Variants in GOPC observed in about 807,000 individuals in gnomAD.
GOPC encodes Golgi-associated PDZ and coiled-coil motif-containing protein.
In GOPC, 32 loss-of-function variants were observed where a neutral mutation model predicts 51.2. The observed-to-expected ratio is 0.63, with a 90% CI of 0.47 to 0.84. GOPC has a LOEUF of 0.84. Among genes scored for constraint, GOPC ranks in the 40% least tolerant of loss-of-function variants. The probability of loss-of-function intolerance (pLI) is 0.00; values close to 1 mark genes in which losing one functional copy is unlikely to be tolerated. For synonymous variants in GOPC, 190 were observed against 205.1 expected, an observed-to-expected ratio of 0.93 and a Z score of 0.63; for missense variants, 441 against 555.5, an observed-to-expected ratio of 0.79 and a Z score of 2.07.
At chr6:117,594,728 TAA>T (rs768397089) in intron 1 of GOPC, among the ~76,000 whole-genome samples, 2 of 152,170 alleles carry the variant, frequency 1.3e-5, no homozygotes, top group African/African-American at 2.4e-5. Flanking sequence ...AGATCAAAGT[TAA>T]AAGTTTCTCT....
chr6:117,599,539 A>G (rs1250387304), intron 1 of GOPC, among the ~76,000 whole-genome samples: 1 of 152,250 alleles, frequency 6.6e-6, no homozygotes, highest in Non-Finnish European at 1.5e-5. Context: ...TTAACATCAA[A>G]GACAAACAAG....
At chr6:117,575,735 C>G (rs1283533159) in intron 3 of GOPC, among the ~76,000 whole-genome samples, 1 of 152,130 alleles carries the variant, frequency 6.6e-6, no homozygotes, top group Non-Finnish European at 1.5e-5. Flanking sequence ...AAAAAAACCA[C>G]GTAAACACTG....
chr6:117,565,263 G>A (rs1779672841), intron 8 of GOPC, among the ~76,000 whole-genome samples: 1 of 152,060 alleles, frequency 6.6e-6, no homozygotes, highest in Non-Finnish European at 1.5e-5. Flanking sequence ...TCATATATCT[G>A]CTTCCATTCA....
intron 7 of GOPC, among the ~76,000 whole-genome samples, chr6:117,567,996 G>C (rs1303743767): frequency 2.9e-5 from 4 of 137,576 alleles, no homozygotes; most frequent in Non-Finnish European, 3.0e-5. Flanking sequence ...TTCTAGACCA[G>C]CCTGGGCAAC....
intron 5 of GOPC, among the ~76,000 whole-genome samples, chr6:117,572,910 A>G (rs1484087066): frequency 3.3e-5 from 5 of 152,252 alleles, no homozygotes; most frequent in Non-Finnish European, 7.3e-5. Flanking sequence ...ATTAAGGTCT[A>G]TATTATCAAG....
At chr6:117,576,775 A>AT (rs1359258089) in intron 3 of GOPC, among the ~76,000 whole-genome samples, 3 of 151,960 alleles carry the variant, frequency 2.0e-5, no homozygotes, top group African/African-American at 7.2e-5. Flanking sequence ...CCAGAAAAAA[A>AT]TTTTCTTGGT....
At chr6:117,572,940 C>G (rs2114610393) in intron 5 of GOPC, among the ~76,000 whole-genome samples, 1 of 152,294 alleles carries the variant, frequency 6.6e-6, no homozygotes, top group South Asian at 2.1e-4. Flanking sequence ...TGATAAAATT[C>G]AATAAAGATT....
chr6:117,582,273 TACACACACACAC>T (rs71012364), intron 1 of GOPC, among the ~76,000 whole-genome samples: 26 of 119,214 alleles, frequency 2.2e-4, no homozygotes, highest in Admixed American at 1.6e-3. Context: ...CCTCCCCCCC[TACACACACACAC>T]ACACACACAC....
chr6:117,579,864 A>G (rs1002161795), intron 1 of GOPC, among the ~76,000 whole-genome samples: 2 of 152,112 alleles, frequency 1.3e-5, no homozygotes, highest in African/African-American at 4.8e-5. Context: ...TGTAGATAAT[A>G]TTTTTAAAAA....
intron 1 of GOPC, among the ~76,000 whole-genome samples, chr6:117,596,476 T>A (rs1780199669): frequency 6.6e-6 from 1 of 152,228 alleles, no homozygotes; most frequent in African/African-American, 2.4e-5. Flanking sequence ...TAAGCCAATA[T>A]CTAAAAGGGT....
chr6:117,575,355 A>G lies in GOPC; in HGVS notation c.475-3T>C. ...TTGTTTGCCTCAAGCTCTCTTTCCT[A>G]TGTAATTTTTAAAAGCATATAATTT... On this transcript the variant is annotated splice_region_variant and splice_polypyrimidine_tract_variant and intron_variant, in intron 3 of 8. Transcript: ENST00000368498. The G allele has an allele frequency of 6.3e-7, 1 of 1,586,248 alleles. No homozygotes were observed. The highest frequency in any genetic ancestry group is 2.2e-5 in the East Asian group (1 of 44,618).
chr6:117,570,960 T>C lies in GOPC; in HGVS notation c.817-5A>G. 2 of 1,501,282 alleles carry C rather than the reference T, an allele frequency of 1.3e-6. No individual in the cohort carries two copies. Among genetic ancestry groups the C allele is most frequent in the Non-Finnish European group, 1.8e-6 (2 of 1,088,886 alleles). The allele number at this position is 1,501,282 out of a possible 1,614,324, so 93.0% of individuals were successfully genotyped here. A position where few individuals can be genotyped will look rare whatever the true frequency, so the allele number is the denominator to read the frequency against. On this transcript the variant is annotated splice_region_variant and splice_polypyrimidine_tract_variant and intron_variant, in intron 5 of 8. Coordinates refer to ENST00000368498, the MANE Select transcript of GOPC (RefSeq NM_020399.4). ...TTTCTTTAGGGAATCTTGATCCTTA[T>C]TGGGAGGAAAAAAGAAGAAAAAGTA... is the stretch of plus-strand genomic sequence containing the variant.
rs75921221 is a variant in GOPC at position 117,587,788 on chromosome 6, T to A, written c.286-8724A>T. The stretch of plus-strand genomic sequence containing the variant: ...TAAAATGTTGGGATTTTAGTACAAG[T>A]CAATGCAGTGGCACCAAGCTCCATC... On this transcript the variant is annotated intron_variant, in intron 1 of 8. Coordinates refer to ENST00000368498, the MANE Select transcript of GOPC (RefSeq NM_020399.4). Among the ~76,000 whole-genome samples the A allele has an allele frequency of 2.6e-5, 4 of 152,222 alleles. No homozygotes were observed. The East Asian group carries it at 7.7e-4, about 29-fold the overall frequency.
chr6:117,585,265 TAC>T (rs1780013690), intron 1 of GOPC, among the ~76,000 whole-genome samples: 5 of 152,192 alleles, frequency 3.3e-5, no homozygotes, highest in African/African-American at 2.4e-5. Flanking sequence ...ACACAACAAC[TAC>T]ACAATTTTCA....
intron 1 of GOPC, among the ~76,000 whole-genome samples, chr6:117,590,058 A>T (rs1780092281): frequency 6.6e-6 from 1 of 152,214 alleles, no homozygotes; most frequent in African/African-American, 2.4e-5. Flanking sequence ...TGTATACATG[A>T]ATATAGAGTC....
intron 2 of GOPC, among the ~76,000 whole-genome samples, chr6:117,578,234 G>A (rs1417848099): frequency 6.6e-6 from 1 of 152,122 alleles, no homozygotes; most frequent in Admixed American, 6.5e-5. Flanking sequence ...TGGCCATATG[G>A]CCAATAGGAG....
chr6:117,582,268 C>A (rs1779969372), intron 1 of GOPC, among the ~76,000 whole-genome samples: 1 of 109,312 alleles, frequency 9.1e-6, no homozygotes, highest in Non-Finnish European at 1.8e-5. Flanking sequence ...CTCTGCCTCC[C>A]CCCCTACACA....
chr6:117,588,624 A>C (rs188284081), intron 1 of GOPC, among the ~76,000 whole-genome samples: 1 of 152,236 alleles, frequency 6.6e-6, no homozygotes, highest in East Asian at 1.9e-4. Flanking sequence ...TATTCTTCTA[A>C]AACATTTTTT....
In GOPC at chr6:117,562,903, A is replaced by G. The variant is rs1583046477; in HGVS notation, c.*351T>C. On this transcript the variant is annotated 3_prime_UTR_variant, in exon 9 of 9. Coordinates refer to ENST00000368498, the MANE Select transcript of GOPC (RefSeq NM_020399.4). The stretch of plus-strand genomic sequence containing the variant: ...TGTATTTTAAAGGGTACTCCTTATA[A>G]AATTCCAGTTAGCACTGTCCTCCTA... 4.1e-6 allele frequency: 1 copy of G among 242,894 alleles called. No individual in the cohort carries two copies. Among genetic ancestry groups the G allele is most frequent in the South Asian group, 1.5e-4 (1 of 6,670 alleles). The allele number at this position is 242,894 out of a possible 1,614,324, so 15.0% of individuals were successfully genotyped here. A position where few individuals can be genotyped will look rare whatever the true frequency, so the allele number is the denominator to read the frequency against.
Sources: gnomAD v4.1 joint callset for allele counts (sites outside exome capture counted in the v4.1 genomes callset) on GRCh38, gnomAD v4.1.1 for gene constraint, MANE v1.5 for transcripts, NCBI Gene and HGNC (gene_info 2026-07-23, HGNC 2026-07-21) for gene names.